Variants in KAZN observed in about 807,000 individuals in gnomAD.
KAZN encodes kazrin, periplakin interacting protein.
Under a neutral mutation model 87.4 loss-of-function variants are expected in KAZN, and 40 were observed. The ratio of observed to expected loss-of-function variants is 0.46; its 90% CI spans 0.36 to 0.60. KAZN has a LOEUF of 0.60. Ranked by LOEUF, KAZN falls within the 20% of genes least tolerant of loss-of-function variation. KAZN has a pLI of 0.00. For synonymous variants in KAZN, 466 were observed against 458.3 expected (o/e 1.02, Z -0.22); for missense variants, 898 against 1,073.9 (o/e 0.84, Z 2.29).
intron 4 of KAZN, among the ~76,000 whole-genome samples, chr1:15,052,559 ATGCATGTGTGTAT>A (rs1674517951): frequency 6.6e-6 from 1 of 151,890 alleles, no homozygotes; most frequent in African/African-American, 2.4e-5. Flanking sequence ...ATGTGTGTGT[ATGCATGTGTGTAT>A]TGCATGTGTA....
chr1:14,334,849 A>AT (rs1188806325), intron 2 of KAZN, among the ~76,000 whole-genome samples: 2 of 152,202 alleles, frequency 1.3e-5, no homozygotes, highest in African/African-American at 4.8e-5. Context: ...GGACAAACGC[A>AT]GAGGCAGACA....
At chr1:13,985,191 T>C (rs1410531318) in intron 1 of KAZN, among the ~76,000 whole-genome samples, 3 of 152,142 alleles carry the variant, frequency 2.0e-5, no homozygotes, top group Non-Finnish European at 2.9e-5. Context: ...TATTCCTTTT[T>C]ATAAAGCTGA....
At chr1:14,503,500 T>G (rs965072222) in intron 2 of KAZN, among the ~76,000 whole-genome samples, 1 of 149,250 alleles carries the variant, frequency 6.7e-6, no homozygotes, top group African/African-American at 2.5e-5. Flanking sequence ...AAAGATTCAA[T>G]GAATTGATAT....
chr1:14,126,835 G>A (rs1644881456), intron 1 of KAZN, among the ~76,000 whole-genome samples: 1 of 152,204 alleles, frequency 6.6e-6, no homozygotes, highest in African/African-American at 2.4e-5. Context: ...GCCAGGTGCG[G>A]TGGGTCACGC....
intron 2 of KAZN, among the ~76,000 whole-genome samples, chr1:14,340,026 T>C (rs1657571013): frequency 6.6e-6 from 1 of 152,228 alleles, no homozygotes; most frequent in South Asian, 2.1e-4. Flanking sequence ...CTGTGGATTT[T>C]AGCATTACAG....
chr1:14,946,678 C>T (rs1309177396), intron 1 of KAZN, among the ~76,000 whole-genome samples: 1 of 152,146 alleles, frequency 6.6e-6, no homozygotes, highest in Non-Finnish European at 1.5e-5. Flanking sequence ...TTCAGCTGAG[C>T]CCCCGTTCAC....
At chr1:14,489,848 A>C (rs1466107567) in intron 2 of KAZN, among the ~76,000 whole-genome samples, 1 of 152,020 alleles carries the variant, frequency 6.6e-6, no homozygotes, top group Non-Finnish European at 1.5e-5. Context: ...ATATTATTCA[A>C]AATAGAATTT....
Position 14,808,430 on chromosome 1 carries a change from G to A in KAZN, c.227-152254G>A, listed in dbSNP as rs191587057. ...TCCTACCTCAGCCCCCTGAATAGAT[G>A]GTATTACAGGCAAGTGCCACCACGG... On this transcript the variant is annotated intron_variant, in intron 1 of 14. Transcript: ENST00000376030. 1.5e-3 allele frequency among the ~76,000 whole-genome samples: 221 copies of A among 150,538 alleles called. 1 individual carries two copies. The highest frequency in any genetic ancestry group is 5.2e-3 in the African/African-American group (212 of 40,836).
chr1:14,253,274 A>T (rs1314939042), intron 2 of KAZN, among the ~76,000 whole-genome samples: 1 of 152,154 alleles, frequency 6.6e-6, no homozygotes, highest in Non-Finnish European at 1.5e-5. Flanking sequence ...CCCAAGTCCC[A>T]TACAGCATTT....
At chr1:14,102,881 TCCCTCTGTAC>T (rs1207816580) in intron 1 of KAZN, among the ~76,000 whole-genome samples, 1 of 151,572 alleles carries the variant, frequency 6.6e-6, no homozygotes, top group African/African-American at 2.4e-5. Context: ...CCCATGGGCT[TCCCTCTGTAC>T]ACATTTGAAT....
At chr1:13,973,874 A>C (rs900339701) in intron 1 of KAZN, among the ~76,000 whole-genome samples, 1 of 152,104 alleles carries the variant, frequency 6.6e-6, no homozygotes, top group Non-Finnish European at 1.5e-5. Context: ...CATTAAGTAG[A>C]CCCCTGCATC....
At chr1:14,062,598 T>G (rs1458274969) in intron 1 of KAZN, among the ~76,000 whole-genome samples, 4 of 152,164 alleles carry the variant, frequency 2.6e-5, no homozygotes, top group African/African-American at 9.7e-5. Context: ...AGATATCTAT[T>G]GAGCACATAC....
At chr1:14,623,188 C>T (rs1358488775) in intron 1 of KAZN, among the ~76,000 whole-genome samples, 2 of 152,118 alleles carry the variant, frequency 1.3e-5, no homozygotes, top group Non-Finnish European at 1.5e-5. Flanking sequence ...ATCATTGCAG[C>T]ACTATTCACA....
At chr1:14,780,867 A>AT (rs573563177) in intron 1 of KAZN, among the ~76,000 whole-genome samples, 1 of 152,174 alleles carries the variant, frequency 6.6e-6, no homozygotes, top group Non-Finnish European at 1.5e-5. Flanking sequence ...AGTTCAAAAT[A>AT]TTTTTTATCT....
At chr1:14,358,853 CAATTTTAG>C (rs1384451175) in intron 2 of KAZN, among the ~76,000 whole-genome samples, 1 of 152,038 alleles carries the variant, frequency 6.6e-6, no homozygotes, top group Non-Finnish European at 1.5e-5. Context: ...ATTATGTGGT[CAATTTTAG>C]AATAAGTGCT....
Position 14,270,715 on chromosome 1 carries a change from A to G in KAZN, c.249+90123A>G, listed in dbSNP as rs112222929. Among the ~76,000 whole-genome samples, 484 of 152,312 alleles carry G rather than the reference A, an allele frequency of 3.2e-3. 4 individuals are homozygous for G. Among genetic ancestry groups the G allele is most frequent in the Admixed American group, 4.1e-3 (63 of 15,300 alleles). On this transcript the variant is annotated intron_variant, in intron 2 of 16. Transcript: ENST00000636203. ...ATAATTCATTAATCATGTGCTTTCA[A>G]TGAGCTTATTAACTCACTCACTCTC...
chr1:15,072,445 G>A (rs1420749440), intron 8 of KAZN, among the ~76,000 whole-genome samples: 3 of 152,152 alleles, frequency 2.0e-5, no homozygotes, highest in South Asian at 4.1e-4. Flanking sequence ...GAGGGTTTGA[G>A]TTATTTGCCC....
chr1:14,671,128 T>C (rs1227241660), intron 1 of KAZN, among the ~76,000 whole-genome samples: 1 of 152,188 alleles, frequency 6.6e-6, no homozygotes, highest in Non-Finnish European at 1.5e-5. Context: ...AGTGAAGGCT[T>C]CCTGGAGGAG....
At chr1:14,401,091 G>C (rs1384590284) in intron 2 of KAZN, among the ~76,000 whole-genome samples, 1 of 152,172 alleles carries the variant, frequency 6.6e-6, no homozygotes, top group Non-Finnish European at 1.5e-5. Flanking sequence ...AGCACAATGG[G>C]TTTTCAAAGG....
Sources: gnomAD v4.1 joint callset for allele counts (sites outside exome capture counted in the v4.1 genomes callset) on GRCh38, gnomAD v4.1.1 for gene constraint, MANE v1.5 for transcripts, NCBI Gene and HGNC (gene_info 2026-07-23, HGNC 2026-07-21) for gene names.